GLIS3: variants seen among roughly 807,000 people sequenced by gnomAD.
The protein encoded by GLIS3 is GLIS family zinc finger 3, also known as zinc finger protein GLIS3.
A neutral mutation model predicts 78.6 loss-of-function variants in GLIS3; 53 were observed. That is an observed-to-expected ratio of 0.67 (90% CI 0.54 to 0.85). The LOEUF (loss-of-function observed/expected upper bound fraction) is 0.85. GLIS3 is among the 40% of genes least tolerant of loss of function. The probability of loss-of-function intolerance (pLI) is 0.00; values close to 1 mark genes in which losing one functional copy is unlikely to be tolerated. For missense variants in GLIS3, 1,703 were observed against 1,231.1 expected (o/e 1.38, Z -5.74); for synonymous variants, 684 against 509.9 (o/e 1.34, Z -4.60).
intron 6 of GLIS3, among the ~76,000 whole-genome samples, chr9:3,925,718 A>C (rs1385372419): frequency 6.6e-6 from 1 of 152,122 alleles, no homozygotes; most frequent in Non-Finnish European, 1.5e-5. Context: ...CAATTGGGAA[A>C]ATAATTTTTG....
At chr9:4,416,826 T>TG in the GLIS3 span, among the ~76,000 whole-genome samples, 12 of 149,244 alleles carry the variant, frequency 8.0e-5, 1 homozygote, top group African/African-American at 2.7e-4. Context: ...TTTTTTTTTT[T>TG]TTTTTTTTTT....
chr9:4,268,610 A>AT (rs1232795010), intron 2 of GLIS3, among the ~76,000 whole-genome samples: 4 of 152,210 alleles, frequency 2.6e-5, no homozygotes, highest in Non-Finnish European at 5.9e-5. Flanking sequence ...TAGGAAAGGT[A>AT]TTATTATTCA....
chr9:4,207,279 A>G (rs776271520), intron 2 of GLIS3, among the ~76,000 whole-genome samples: 15 of 152,204 alleles, frequency 9.9e-5, no homozygotes, highest in Non-Finnish European at 2.1e-4. Context: ...CAGCCCCACT[A>G]AACTTAAGGA....
chr9:4,237,962 T>A (rs970312873), intron 2 of GLIS3, among the ~76,000 whole-genome samples: 3 of 152,198 alleles, frequency 2.0e-5, no homozygotes, highest in African/African-American at 7.2e-5. Context: ...ATGTTCCCCT[T>A]ATTCTCCCTT....
chr9:4,284,389 G>A (rs1224704638), intron 2 of GLIS3, among the ~76,000 whole-genome samples: 5 of 152,204 alleles, frequency 3.3e-5, no homozygotes, highest in South Asian at 2.1e-4. Context: ...TCAAGCATGC[G>A]CTAAAAGGCT....
In GLIS3 at chr9:4,118,529, T is replaced by C. The variant is rs200778223; in HGVS notation, c.949A>G (p.Asn317Asp). 1 of 1,614,180 alleles carries C rather than the reference T, an allele frequency of 6.2e-7. No individual in the cohort carries two copies. Among genetic ancestry groups the C allele is most frequent in the African/African-American group, 1.3e-5 (1 of 75,056 alleles). The change falls in exon 4 of 11, where the codon AAT becomes GAT. Residue 317 changes from asparagine to aspartate, a missense_variant. Coordinates refer to ENST00000381971, the MANE Select transcript of GLIS3 (RefSeq NM_001042413.2). This position sits in a 1 kb window ranked among gnomAD's most constrained non-coding sequence, Gnocchi z 4.7. ...GTGGGCGACGTGCGGATGATGGTAT[T>C]GAAATCTATCCCGATGCCATCGGAC... ...PLSDGIGIDFNTIIRTSPTSL... is the reference protein window; with the variant it reads ...PLSDGIGIDFDTIIRTSPTSL...
intron 2 of GLIS3, among the ~76,000 whole-genome samples, chr9:4,182,259 T>C (rs1183244916): frequency 6.6e-6 from 1 of 152,208 alleles, no homozygotes; most frequent in Non-Finnish European, 1.5e-5. Flanking sequence ...AAAAAATTTT[T>C]TTGGAATGTG....
At chr9:4,341,862 G>C (rs549275725) in intron 2 of GLIS3, among the ~76,000 whole-genome samples, 5 of 152,258 alleles carry the variant, frequency 3.3e-5, no homozygotes, top group Admixed American at 3.3e-4. Context: ...TAACAGTTAA[G>C]CATACTACAT....
intron 4 of GLIS3, among the ~76,000 whole-genome samples, chr9:4,057,981 T>A (rs994342898): frequency 6.6e-6 from 1 of 152,222 alleles, no homozygotes; most frequent in Non-Finnish European, 1.5e-5. Context: ...ATCTTTATTC[T>A]GGGTTTTAGA....
At chr9:3,997,836 TG>T (rs1244145855) in intron 4 of GLIS3, among the ~76,000 whole-genome samples, 1 of 152,010 alleles carries the variant, frequency 6.6e-6, no homozygotes, top group Non-Finnish European at 1.5e-5. Flanking sequence ...AGCATCACCT[TG>T]GAAGTTCTAG....
At chr9:4,125,316 A>T (rs1279952821) in intron 3 of GLIS3, among the ~76,000 whole-genome samples, 1 of 152,204 alleles carries the variant, frequency 6.6e-6, no homozygotes, top group Non-Finnish European at 1.5e-5. Flanking sequence ...GATGGACAAG[A>T]CAGATTGTTG....
chr9:4,123,318 G>C (rs1409968921), intron 3 of GLIS3, among the ~76,000 whole-genome samples: 1 of 152,052 alleles, frequency 6.6e-6, no homozygotes, highest in African/African-American at 2.4e-5. Flanking sequence ...TTGGACTGCT[G>C]GTTAGTTTAT....
chr9:3,987,796 C>G (rs1184580137), intron 4 of GLIS3, among the ~76,000 whole-genome samples: 1 of 49,644 alleles, frequency 2.0e-5, no homozygotes, highest in Non-Finnish European at 4.3e-5. Flanking sequence ...AAACAAAACA[C>G]AAACATAAAC....
chr9:4,236,279 G>C (rs1165337402), intron 2 of GLIS3, among the ~76,000 whole-genome samples: 2 of 151,652 alleles, frequency 1.3e-5, no homozygotes, highest in East Asian at 1.9e-4. Context: ...AGGTGAGAAG[G>C]AGCCTGAATG....
chr9:3,911,306 A>G lies in GLIS3; in HGVS notation c.1984-12471T>C, dbSNP rs532529240. On this transcript the variant is annotated intron_variant, in intron 6 of 10. Transcript: ENST00000381971. ...AAGTAAAATCCTTAGATCTTTTTCC[A>G]TATGTTACGCTCTTTGTTTCTGATG... 4.6e-5 allele frequency among the ~76,000 whole-genome samples: 7 copies of G among 152,308 alleles called. No individual in the cohort carries two copies. The South Asian group carries it at 1.5e-3, about 32-fold the overall frequency.
chr9:4,221,712 C>T (rs1222988364), intron 2 of GLIS3, among the ~76,000 whole-genome samples: 1 of 152,086 alleles, frequency 6.6e-6, no homozygotes, highest in African/African-American at 2.4e-5. Context: ...GCAAAGATAA[C>T]ATATGGAAAC....
intron 2 of GLIS3, among the ~76,000 whole-genome samples, chr9:4,161,438 C>T (rs1393765459): frequency 6.6e-6 from 1 of 152,078 alleles, no homozygotes; most frequent in Non-Finnish European, 1.5e-5. Flanking sequence ...AAGAGGAGCC[C>T]CATGACAAAT....
rs528898545 is a variant in GLIS3 at position 3,824,158 on chromosome 9, T to A, written c.*4114A>T. 6.5e-6 allele frequency: 1 copy of A among 152,772 alleles called. No individual in the cohort carries two copies. Among genetic ancestry groups the A allele is most frequent in the South Asian group, 2.1e-4 (1 of 4,826 alleles). The allele number at this position is 152,772 out of a possible 1,614,324, so 9.5% of individuals were successfully genotyped here. On this transcript the variant is annotated 3_prime_UTR_variant, in exon 11 of 11. Transcript: ENST00000381971. ...GTATAAAAGCTTTAATTAAATCTGA[T>A]GAAATAAAACTTCATGTTTTATTTA...
At chr9:4,255,641 T>C (rs1824856241) in intron 2 of GLIS3, among the ~76,000 whole-genome samples, 1 of 152,188 alleles carries the variant, frequency 6.6e-6, no homozygotes, top group Admixed American at 6.5e-5. Flanking sequence ...TAATTCCAAC[T>C]ATATGATATT....
Sources: gnomAD v4.1 joint callset for allele counts (sites outside exome capture counted in the v4.1 genomes callset) on GRCh38, gnomAD v4.1.1 for gene constraint, Gnocchi (gnomAD v3.1) non-coding constraint, MANE v1.5 for transcripts, NCBI Gene and HGNC (gene_info 2026-07-23, HGNC 2026-07-21) for gene names.